N4BP2L1: variants seen among roughly 807,000 people sequenced by gnomAD.
N4BP2L1 encodes the protein NEDD4-binding protein 2-like 1.
A neutral mutation model predicts 21.2 loss-of-function variants in N4BP2L1; 12 were observed. The observed-to-expected ratio is 0.57, with a 90% CI of 0.36 to 0.92. N4BP2L1 has a LOEUF of 0.92. N4BP2L1 is among the 40% of genes least tolerant of loss of function. N4BP2L1 has a pLI of 0.01. For synonymous variants in N4BP2L1, 104 were observed against 112.8 expected (o/e 0.92, Z 0.49); for missense variants, 259 against 310.6 (o/e 0.83, Z 1.25).
chr13:32,407,993 T>G (rs745758003), intron 1 of N4BP2L1, among the ~76,000 whole-genome samples: 35 of 152,330 alleles, frequency 2.3e-4, no homozygotes, highest in Non-Finnish European at 4.4e-4. Context: ...CAGTGTGTGT[T>G]GCCAGTCCTT....
At position 32,403,218 on chromosome 13, in the gene N4BP2L1, G is replaced by C. The variant is rs763921286; in HGVS notation, c.474-18C>G. 1 of 1,574,422 alleles carries C rather than the reference G, an allele frequency of 6.4e-7. No homozygotes were observed. ...TGTTTCTTCTACATGGAAAAAAAAT[G>C]CATTTAGTTAAGGCAGGATACCACA... On this transcript the variant is annotated intron_variant, in intron 4 of 4. Transcript: ENST00000380130.
upstream of N4BP2L1, among the ~76,000 whole-genome samples, chr13:32,429,173 C>T (rs1168949308): frequency 6.6e-6 from 1 of 152,204 alleles, no homozygotes; most frequent in Non-Finnish European, 1.5e-5. Flanking sequence ...CCTTCTAAAA[C>T]AAAATCCAGA....
At chr13:32,410,561 T>C (rs755132721) in intron 1 of N4BP2L1, among the ~76,000 whole-genome samples, 3 of 152,206 alleles carry the variant, frequency 2.0e-5, no homozygotes, top group African/African-American at 4.8e-5. Context: ...CGTATGAATG[T>C]CTGTTATTCG....
intron 1 of N4BP2L1, among the ~76,000 whole-genome samples, chr13:32,413,423 T>C (rs1452009414): frequency 6.6e-6 from 1 of 152,198 alleles, no homozygotes; most frequent in Non-Finnish European, 1.5e-5. Context: ...TGTTTCCTAG[T>C]GATTAAACCC....
chr13:32,403,123 C>A lies in N4BP2L1; in HGVS notation c.551G>T (p.Ser184Ile), dbSNP rs775266564. 6.2e-7 allele frequency: 1 copy of A among 1,614,106 alleles called. No homozygotes were observed. Among genetic ancestry groups the A allele is most frequent in the South Asian group, 1.1e-5 (1 of 91,078 alleles). The change falls in exon 5 of 5, where the codon AGT becomes ATT. Residue 184 changes from serine (S) to isoleucine (I), a missense_variant. Physicochemically the swap from Ser to Ile is moderately radical, Grantham distance 142. Transcript: ENST00000380130. The stretch of plus-strand genomic sequence containing the variant: ...GCTTGGCTTTTCTGCATGAAGCACA[C>A]TGTGAAAAGTAACATCGTGTTCATA... ...ERYEHDVTFH[S>I]VLHAEKPSRM... is the part of the protein sequence containing the mutation.
intron 1 of N4BP2L1, among the ~76,000 whole-genome samples, chr13:32,410,568 T>C (rs983179765): frequency 3.9e-5 from 6 of 152,224 alleles, no homozygotes; most frequent in Non-Finnish European, 7.3e-5. Flanking sequence ...ATGTCTGTTA[T>C]TCGACTTCTT....
chr13:32,402,419 A>C lies in N4BP2L1; in HGVS notation c.*523T>G. 1 of 888,118 alleles carries C rather than the reference A, an allele frequency of 1.1e-6. No homozygotes were observed. The highest frequency in any genetic ancestry group is 5.1e-5 in the South Asian group (1 of 19,738). The allele number at this position is 888,118 out of a possible 1,614,324, so 55.0% of individuals were successfully genotyped here. A position where few individuals can be genotyped will look rare whatever the true frequency, so the allele number is the denominator to read the frequency against. On this transcript the variant is annotated 3_prime_UTR_variant, in exon 5 of 5. Transcript: ENST00000380130. ...CCCTTAGATGTATGCTTTCTGGCAT[A>C]TTAACATTAAAGGAAAATCAGTATC... is the stretch of plus-strand genomic sequence containing the variant.
At chr13:32,406,002 A>T (rs2073472062) in intron 3 of N4BP2L1, among the ~76,000 whole-genome samples, 1 of 141,032 alleles carries the variant, frequency 7.1e-6, no homozygotes, top group East Asian at 2.2e-4. Context: ...TCCCGGGTTC[A>T]CGCCATTCTC....
chr13:32,401,850 A>ACGT lies in N4BP2L1; in HGVS notation c.*1089_*1091dup, dbSNP rs2073148720. 1.2e-6 allele frequency: 1 copy of ACGT among 842,352 alleles called. No individual in the cohort carries two copies. The highest frequency in any genetic ancestry group is 1.2e-4 in the East Asian group (1 of 8,170). The allele number at this position is 842,352 out of a possible 1,614,324, so 52.2% of individuals were successfully genotyped here. A position where few individuals can be genotyped will look rare whatever the true frequency, so the allele number is the denominator to read the frequency against. ...TGTTGGCCAACAAGAAATAGAGCAT[A>ACGT]CGTCCTCTGTGGTCTTGTCTATCAT... On this transcript the variant is annotated 3_prime_UTR_variant, in exon 5 of 5. Coordinates refer to ENST00000380130, the MANE Select transcript of N4BP2L1 (RefSeq NM_052818.3).
At chr13:32,403,763 T>C (rs1361480774) in intron 4 of N4BP2L1, 1 of 536,270 alleles carries the variant, frequency 1.9e-6, no homozygotes, top group Non-Finnish European at 3.8e-6. Context: ...ACTATCTGCC[T>C]ATTACCATAA....
intron 1 of N4BP2L1, chr13:32,420,655 C>T (rs563089747): frequency 6.6e-6 from 1 of 152,142 alleles, no homozygotes; most frequent in South Asian, 2.1e-4. Context: ...TCCTTTTCTT[C>T]CCCCTTGTCT....
intron 1 of N4BP2L1, among the ~76,000 whole-genome samples, chr13:32,410,282 C>A (rs2073779780): frequency 6.6e-6 from 1 of 152,216 alleles, no homozygotes; most frequent in Non-Finnish European, 1.5e-5. Context: ...GCCTGTCATC[C>A]TTCTGAAAGA....
intron 1 of N4BP2L1, among the ~76,000 whole-genome samples, chr13:32,420,806 G>C (rs552514022): frequency 1.3e-5 from 2 of 152,222 alleles, no homozygotes; most frequent in Admixed American, 6.5e-5. Context: ...TGATTCTCCT[G>C]CCTCAGCCTC....
chr13:32,414,458 T>A (rs1376095573), intron 1 of N4BP2L1, among the ~76,000 whole-genome samples: 2 of 152,328 alleles, frequency 1.3e-5, no homozygotes, highest in Admixed American at 6.5e-5. Context: ...TAAAGCCTCC[T>A]TATTAGGAGG....
intron 1 of N4BP2L1, among the ~76,000 whole-genome samples, chr13:32,421,498 A>T (rs921604621): frequency 6.6e-6 from 1 of 152,186 alleles, no homozygotes; most frequent in Non-Finnish European, 1.5e-5. Context: ...GTAATATAAG[A>T]TCACTTGGTG....
chr13:32,401,913 T>G lies in N4BP2L1; in HGVS notation c.*1029A>C. ...AATCTGATTCCAACCTGTTGGAAAT[T>G]AATTTGGATTCATAAATTCAGCATC... On this transcript the variant is annotated 3_prime_UTR_variant, in exon 5 of 5. Coordinates refer to ENST00000380130, the MANE Select transcript of N4BP2L1 (RefSeq NM_052818.3). 5.1e-6 allele frequency: 5 copies of G among 985,570 alleles called. No individual in the cohort carries two copies. The highest frequency in any genetic ancestry group is 6.0e-6 in the Non-Finnish European group (5 of 829,718). The allele number at this position is 985,570 out of a possible 1,614,324, so 61.1% of individuals were successfully genotyped here. A position where few individuals can be genotyped will look rare whatever the true frequency, so the allele number is the denominator to read the frequency against.
chr13:32,412,401 C>A (rs181500809), intron 1 of N4BP2L1, among the ~76,000 whole-genome samples: 1 of 151,892 alleles, frequency 6.6e-6, no homozygotes, highest in African/African-American at 2.4e-5. Flanking sequence ...CCAAGACGGG[C>A]GGATCACTTG....
chr13:32,415,033 C>T (rs115428899), intron 1 of N4BP2L1, among the ~76,000 whole-genome samples: 1 of 152,272 alleles, frequency 6.6e-6, no homozygotes, highest in African/African-American at 2.4e-5. Context: ...TGAACAGAAA[C>T]CCCAGTTAGT....
intron 1 of N4BP2L1, chr13:32,424,949 C>T (rs1222458725): frequency 6.6e-6 from 1 of 152,068 alleles, no homozygotes; most frequent in Non-Finnish European, 1.5e-5. Flanking sequence ...TTTATTAGTT[C>T]TTTAATCAAA....
Sources: allele counts gnomAD v4.1 joint callset (sites outside exome capture counted in the v4.1 genomes callset), GRCh38; gene constraint gnomAD v4.1.1; transcripts MANE v1.5; gene names NCBI Gene and HGNC (gene_info 2026-07-23, HGNC 2026-07-21).